The following PDE4D variants were observed in gnomAD, a reference collection of about 807,000 sequenced individuals.
PDE4D encodes 3',5'-cyclic-AMP phosphodiesterase 4D.
PDE4D carries 24 observed loss-of-function variants against 87.4 expected under a neutral mutation model. The observed-to-expected ratio is 0.27, with a 90% CI of 0.20 to 0.39. The LOEUF (loss-of-function observed/expected upper bound fraction) is 0.39, where lower values mean the gene tolerates loss of function less well. PDE4D is among the 10% of genes least tolerant of loss of function. The pLI is 1.00. For synonymous variants in PDE4D, 384 were observed against 383.2 expected (o/e 1.00, Z -0.02); for missense variants, 714 against 1,041.0 (o/e 0.69, Z 4.32).
intron 1 of PDE4D, among the ~76,000 whole-genome samples, chr5:59,261,831 G>T (rs558593462): frequency 6.6e-6 from 1 of 151,752 alleles, no homozygotes; most frequent in Non-Finnish European, 1.5e-5. Context: ...AGGTGATTAA[G>T]TAAACAATTT....
chr5:59,775,416 T>C (rs1287624563), intron 1 of PDE4D, among the ~76,000 whole-genome samples: 1 of 152,182 alleles, frequency 6.6e-6, no homozygotes, highest in Non-Finnish European at 1.5e-5. Flanking sequence ...GCATAAGCAC[T>C]TTGCATTATT....
intron 1 of PDE4D, among the ~76,000 whole-genome samples, chr5:59,790,728 TCTTC>T (rs549393895): frequency 7.6e-4 from 116 of 152,280 alleles, no homozygotes; most frequent in African/African-American, 2.7e-3. Context: ...TGTCATCCCG[TCTTC>T]CTTCTTTATT....
In PDE4D at chr5:59,993,690, C is replaced by G. The variant is rs1025333695; in HGVS notation, c.43-4973G>C. Among the ~76,000 whole-genome samples the G allele has an allele frequency of 3.3e-5, 5 of 151,656 alleles. No individual in the cohort carries two copies. The South Asian group carries it at 8.4e-4, about 25-fold the overall frequency. On this transcript the variant is annotated intron_variant, in intron 2 of 16. Coordinates refer to the PDE4D transcript ENST00000502484. ...TTATTAATTATGAGCTTCTGTATTC[C>G]CTATAATAAAGATGTCTTGTTTTTC...
intron 2 of PDE4D, among the ~76,000 whole-genome samples, chr5:60,012,009 A>C (rs1269494837): frequency 6.6e-6 from 1 of 152,182 alleles, no homozygotes; most frequent in Non-Finnish European, 1.5e-5. Context: ...AGACATCACT[A>C]TCACAGTGGT....
At chr5:59,471,815 T>C (rs1019700530) in intron 1 of PDE4D, among the ~76,000 whole-genome samples, 34 of 152,318 alleles carry the variant, frequency 2.2e-4, no homozygotes, top group Non-Finnish European at 2.2e-4. Flanking sequence ...TTTTTAAGGT[T>C]GTAGTATAAT....
rs1305257582 is a variant in PDE4D at position 58,972,015 on chromosome 5, A to C, written c.*2649T>G. 1.3e-5 allele frequency: 2 copies of C among 152,544 alleles called. No individual in the cohort carries two copies. The highest frequency in any genetic ancestry group is 2.9e-5 in the Non-Finnish European group (2 of 68,024). 9.4% of individuals were successfully genotyped at this position (152,544 alleles called of 1,614,324 possible). A position where few individuals can be genotyped will look rare whatever the true frequency, so the allele number is the denominator to read the frequency against. ...TTAAAAACCAACAAACTGGAAGAAA[A>C]AAAAAGAGCCTCTCTTTATTAGTGC... On this transcript the variant is annotated 3_prime_UTR_variant, in exon 15 of 15. Coordinates refer to ENST00000340635, the MANE Select transcript of PDE4D (RefSeq NM_001104631.2).
At chr5:60,470,863 G>A (rs969694479) in intron 1 of PDE4D, among the ~76,000 whole-genome samples, 1 of 152,136 alleles carries the variant, frequency 6.6e-6, no homozygotes, top group Non-Finnish European at 1.5e-5. Flanking sequence ...GAAGAACTAC[G>A]AGGAGATTAA....
At chr5:59,275,453 C>G in intron 1 of PDE4D, 1 of 1,582,104 alleles carries the variant, frequency 6.3e-7, no homozygotes, top group Non-Finnish European at 8.5e-7. Context: ...CTGATTAATA[C>G]ATTCTAACTG....
intron 1 of PDE4D, among the ~76,000 whole-genome samples, chr5:59,580,510 A>C (rs1240521622): frequency 6.6e-6 from 1 of 152,042 alleles, no homozygotes; most frequent in Non-Finnish European, 1.5e-5. Flanking sequence ...TGTCTTGCCC[A>C]GGCTGGAGTG....
chr5:60,233,689 A>T (rs1049154446), intron 1 of PDE4D, among the ~76,000 whole-genome samples: 2 of 151,842 alleles, frequency 1.3e-5, no homozygotes, highest in Admixed American at 1.3e-4. Flanking sequence ...TCAAACACTT[A>T]TATAGTGCTT....
intron 1 of PDE4D, among the ~76,000 whole-genome samples, chr5:59,673,094 T>A (rs1303062511): frequency 6.6e-6 from 1 of 152,154 alleles, no homozygotes; most frequent in Admixed American, 6.5e-5. Context: ...CCTTCACGAG[T>A]GTATATCTTT....
intron 5 of PDE4D, among the ~76,000 whole-genome samples, chr5:59,174,010 CT>C (rs1783427735): frequency 6.6e-6 from 1 of 152,142 alleles, no homozygotes; most frequent in Non-Finnish European, 1.5e-5. Flanking sequence ...AGCCAGCATC[CT>C]TATTGTCACC....
intron 1 of PDE4D, among the ~76,000 whole-genome samples, chr5:59,242,014 AG>A (rs1326088333): frequency 6.6e-6 from 1 of 151,492 alleles, no homozygotes; most frequent in Non-Finnish European, 1.5e-5. Context: ...TCCAATATCT[AG>A]CATAATTCTC....
At chr5:59,343,789 C>T (rs908986898) in intron 1 of PDE4D, among the ~76,000 whole-genome samples, 2 of 152,106 alleles carry the variant, frequency 1.3e-5, no homozygotes, top group Non-Finnish European at 2.9e-5. Flanking sequence ...ATATACAGTC[C>T]ATACACTCAA....
intron 2 of PDE4D, among the ~76,000 whole-genome samples, chr5:60,034,984 G>A (rs552041560): frequency 1.4e-4 from 21 of 152,238 alleles, no homozygotes; most frequent in Non-Finnish European, 2.2e-4. Flanking sequence ...AGCAGGGTGC[G>A]GTGGCTCACA....
intron 1 of PDE4D, among the ~76,000 whole-genome samples, chr5:59,677,019 AAGC>A (rs1489543207): frequency 6.6e-6 from 1 of 152,060 alleles, no homozygotes; most frequent in East Asian, 1.9e-4. Flanking sequence ...TTGAGTGAGA[AAGC>A]AGTAGAAAAG....
chr5:59,886,872 G>T (rs138281380), intron 1 of PDE4D, among the ~76,000 whole-genome samples: 1 of 151,770 alleles, frequency 6.6e-6, no homozygotes, highest in African/African-American at 2.4e-5. Context: ...AAGGCAAAGA[G>T]AAATTACCTT....
At chr5:60,351,139 G>T in intron 1 of PDE4D, among the ~76,000 whole-genome samples, 1 of 152,130 alleles carries the variant, frequency 6.6e-6, no homozygotes, top group East Asian at 1.9e-4. Flanking sequence ...AACTCCGTTT[G>T]TGGCCCTAGA....
intron 1 of PDE4D, among the ~76,000 whole-genome samples, chr5:59,719,702 G>A (rs568935323): frequency 5.3e-5 from 8 of 152,232 alleles, no homozygotes; most frequent in Middle Eastern, 3.4e-3. Flanking sequence ...TTTATCCCAT[G>A]AATACAAGCT....
Sources: allele counts gnomAD v4.1 joint callset (sites outside exome capture counted in the v4.1 genomes callset), GRCh38; gene constraint gnomAD v4.1.1; transcripts MANE v1.5; gene names NCBI Gene and HGNC (gene_info 2026-07-23, HGNC 2026-07-21).